The following SIGLEC11 variants were observed in gnomAD, a reference collection of about 807,000 sequenced individuals.
SIGLEC11 encodes sialic acid-binding Ig-like lectin 11.
A neutral mutation model predicts 61.2 loss-of-function variants in SIGLEC11; 47 were observed. That is an observed-to-expected ratio of 0.77 (90% CI 0.61 to 0.98). The LOEUF is 0.98. SIGLEC11 is among the 50% of genes least tolerant of loss of function. The pLI is 0.00. For missense variants in SIGLEC11, 610 were observed against 870.3 expected (o/e 0.70, Z 3.76); for synonymous variants, 278 against 373.1 (o/e 0.75, Z 2.94).
chr19:49,958,410 G>C lies in SIGLEC11; in HGVS notation c.1524C>G (p.Ser508Arg), dbSNP rs779716048. The change falls in exon 8 of 11, where the codon AGC becomes AGG. Residue 508 changes from serine to arginine, a missense_variant. Physicochemically the swap from Ser to Arg is moderately radical, Grantham distance 110. Transcript: ENST00000447370. ...SSQGSFEVTP[S>R]SAGPWANSSL... ...AGCTGTTGGCCCAGGGCCCGGCTGAGCTGGGGGTGACCTCGAAGGAGCCCT... is the reference window on the plus strand; with the variant it reads ...AGCTGTTGGCCCAGGGCCCGGCTGACCTGGGGGTGACCTCGAAGGAGCCCT... 1.2e-5 allele frequency: 19 copies of C among 1,613,974 alleles called. No homozygotes were observed. Among genetic ancestry groups the C allele is most frequent in the Non-Finnish European group, 1.5e-5 (18 of 1,180,026 alleles).
At position 49,958,640 on chromosome 19, in the gene SIGLEC11, C is replaced by G. The variant is rs1364370758; in HGVS notation, c.1363+3G>C. 1 of 1,584,134 alleles carries G rather than the reference C, an allele frequency of 6.3e-7. No homozygotes were observed. The highest frequency in any genetic ancestry group is 8.6e-7 in the Non-Finnish European group (1 of 1,165,714). On this transcript the variant is annotated splice_donor_region_variant and intron_variant, in intron 7 of 10. Coordinates refer to ENST00000447370, the MANE Select transcript of SIGLEC11 (RefSeq NM_052884.3). ...ACCCAGGTGTCCCCTTTCCCCCACT[C>G]ACAGTGCACGGAGAGGCTGAGAGAG... is the stretch of plus-strand genomic sequence containing the variant.
chr19:49,958,849 CTT>C lies in SIGLEC11; in HGVS notation c.1155_1156del (p.Ser386ProfsTer83). On this transcript the variant is annotated frameshift_variant, in exon 7 of 11. Coordinates refer to ENST00000447370, the MANE Select transcript of SIGLEC11 (RefSeq NM_052884.3). LOFTEE classifies it high-confidence loss of function. ...GTGGGTGACACAGACCAGGCGCAGG[CTT>C]TGGCCCTCCAGGACCGGGAGGGATG... The C allele has an allele frequency of 6.2e-7, 1 of 1,608,868 alleles. No individual in the cohort carries two copies. Among genetic ancestry groups the C allele is most frequent in the Non-Finnish European group, 8.5e-7 (1 of 1,177,192 alleles).
In SIGLEC11 at chr19:49,960,463, T is replaced by G. The variant is rs1297867808; in HGVS notation, c.461-42A>C. 2.5e-6 allele frequency: 4 copies of G among 1,592,504 alleles called. No homozygotes were observed. In the South Asian group the frequency reaches 4.5e-5, roughly 18 times the overall value. ...GTGGGAGATTCTTGTGCTGCAGGGGTCCCTGAGAGCCCTCTCTGCTCAGCC... is the reference window on the plus strand; with the variant it reads ...GTGGGAGATTCTTGTGCTGCAGGGGGCCCTGAGAGCCCTCTCTGCTCAGCC... On this transcript the variant is annotated intron_variant, in intron 2 of 10. Transcript: ENST00000447370.
chr19:49,952,269 C>T (rs777886565), intron 9 of SIGLEC11, 29 bp downstream of exon 9: 7 of 1,604,228 alleles, frequency 4.4e-6, no homozygotes, highest in Non-Finnish European at 6.0e-6. Context: ...CCTTCCCACA[C>T]CCTGCATTGC....
rs1303456702 is a variant in SIGLEC11, at chr19:49,949,514, C to T, written c.*456G>A. ...GTAATGAACCATAGACACGATGCCT[C>T]AAAGTGTCATCTTCAAACTCGCTCT... is the stretch of plus-strand genomic sequence containing the variant. On this transcript the variant is annotated 3_prime_UTR_variant, in exon 11 of 11. Coordinates refer to ENST00000447370, the MANE Select transcript of SIGLEC11 (RefSeq NM_052884.3). 6.6e-6 allele frequency: 1 copy of T among 152,240 alleles called. No homozygotes were observed. Among genetic ancestry groups the T allele is most frequent in the East Asian group, 1.9e-4 (1 of 5,192 alleles). 9.4% of individuals were successfully genotyped at this position (152,240 alleles called of 1,614,324 possible).
At position 49,960,213 on chromosome 19, in the gene SIGLEC11, G is replaced by T; in HGVS notation, c.669C>A (p.Asp223Glu). ...AGTCCACATGGCAGGTGAGGTCGGT[G>T]TCGTGGTCCTGGGGGCTGGGCGTGA... is the stretch of plus-strand genomic sequence containing the variant. Reference protein sequence around the residue: ...LSFTPSPQDHDTDLTCHVDFS... With the variant: ...LSFTPSPQDHETDLTCHVDFS... Residue 223 changes from aspartate (D) to glutamate (E), a missense_variant, in exon 3 of 11, where the codon GAC (aspartate) becomes GAA (glutamate). Asp to Glu is a conservative substitution (Grantham distance 45, BLOSUM62 2). Transcript: ENST00000447370. 6.5e-7 allele frequency: 1 copy of T among 1,529,374 alleles called. No individual in the cohort carries two copies. The allele number at this position is 1,529,374 out of a possible 1,614,324, so 94.7% of individuals were successfully genotyped here.
chr19:49,954,944 C>T (rs148282619), intron 8 of SIGLEC11, among the ~76,000 whole-genome samples: 181 of 152,218 alleles, frequency 1.2e-3, no homozygotes, highest in African/African-American at 4.1e-3. Flanking sequence ...AATTAATATA[C>T]GAAAAATTTC....
chr19:49,956,233 T>C (rs1306036254), intron 8 of SIGLEC11, among the ~76,000 whole-genome samples: 1 of 152,250 alleles, frequency 6.6e-6, no homozygotes, highest in Non-Finnish European at 1.5e-5. Flanking sequence ...CAGGAAATAC[T>C]GTGTTGCTCG....
At position 49,951,755 on chromosome 19, in the gene SIGLEC11, G is replaced by A; in HGVS notation, c.1830+136C>T. 1 of 689,644 alleles carries A rather than the reference G, an allele frequency of 1.5e-6. No homozygotes were observed. The highest frequency in any genetic ancestry group is 2.3e-6 in the Non-Finnish European group (1 of 436,820). 42.7% of individuals were successfully genotyped at this position (689,644 alleles called of 1,614,324 possible). A position where few individuals can be genotyped will look rare whatever the true frequency, so the allele number is the denominator to read the frequency against. On this transcript the variant is annotated intron_variant, in intron 10 of 10. Coordinates refer to ENST00000447370, the MANE Select transcript of SIGLEC11 (RefSeq NM_052884.3). The surrounding 1 kb of genome is among the most constrained non-coding windows in gnomAD (Gnocchi z 4.6). ...GTGCCTCCCAGATCATGGGACTTGG[G>A]ACTGCATTGATGGGGACCCAGGAGC...
At position 49,950,097 on chromosome 19, in the gene SIGLEC11, G is replaced by A. The variant is rs2076149259; in HGVS notation, c.1970C>T (p.Pro657Leu). The A allele has an allele frequency of 6.2e-7, 1 of 1,611,558 alleles. No homozygotes were observed. The highest frequency in any genetic ancestry group is 8.5e-7 in the Non-Finnish European group (1 of 1,178,774). Reference protein sequence around the residue: ...LSFQGLRLWEPADQEAPSTTE... With the variant: ...LSFQGLRLWELADQEAPSTTE... ...GGTGCTGGGGGCCTCCTGGTCCGCA[G>A]GCTCCCAGAGCCTCAGGCCCTGGAA... The change falls in exon 11 of 11, where the codon CCT becomes CTT. Residue 657 changes from proline to leucine, a missense_variant. Physicochemically the swap from Pro to Leu is moderately conservative, Grantham distance 98. Coordinates refer to ENST00000447370, the MANE Select transcript of SIGLEC11 (RefSeq NM_052884.3).
intron 7 of SIGLEC11, 22 bp downstream of exon 7, chr19:49,958,621 G>A: frequency 6.4e-7 from 1 of 1,572,332 alleles, no homozygotes; most frequent in Non-Finnish European, 8.6e-7. Flanking sequence ...TGGGACCCAG[G>A]TGTCCCCTTT....
At position 49,958,727 on chromosome 19, in the gene SIGLEC11, G is replaced by T. The variant is rs1434980057; in HGVS notation, c.1279C>A (p.Gln427Lys). Residue 427 changes from glutamine (Q) to lysine (K), a missense_variant, in exon 7 of 11, where the codon CAA (glutamine) becomes AAA (lysine). Gln to Lys is a moderately conservative substitution (Grantham distance 53, BLOSUM62 1). Transcript: ENST00000447370. ...DPGVLELPPIQMEHEGEFTCH... is the reference protein window; with the variant it reads ...DPGVLELPPIKMEHEGEFTCH... ...GTGAACTCTCCTTCGTGCTCCATTT[G>T]AATGGGTGGCAGCTCCAGGACCCCG... 1 of 1,613,672 alleles carries T rather than the reference G, an allele frequency of 6.2e-7. No individual in the cohort carries two copies. Among genetic ancestry groups the T allele is most frequent in the Admixed American group, 1.7e-5 (1 of 59,974 alleles).
chr19:49,957,151 A>G (rs2076202129), intron 8 of SIGLEC11, among the ~76,000 whole-genome samples: 1 of 152,188 alleles, frequency 6.6e-6, no homozygotes, highest in South Asian at 2.1e-4. Context: ...GGAAGCATTC[A>G]ATCAACTATA....
chr19:49,953,867 A>C (rs550818378), intron 8 of SIGLEC11, among the ~76,000 whole-genome samples: 1 of 152,336 alleles, frequency 6.6e-6, no homozygotes, highest in East Asian at 1.9e-4. Context: ...TGCATGTTAC[A>C]AAACTTTAAG....
At chr19:49,953,426 A>G (rs540404406) in intron 8 of SIGLEC11, among the ~76,000 whole-genome samples, 2 of 152,246 alleles carry the variant, frequency 1.3e-5, no homozygotes, top group African/African-American at 4.8e-5. Context: ...CACCCCAACC[A>G]TCACAGGATG....
intron 8 of SIGLEC11, among the ~76,000 whole-genome samples, chr19:49,954,059 A>G (rs1278351987): frequency 1.3e-5 from 2 of 152,190 alleles, no homozygotes; most frequent in Non-Finnish European, 2.9e-5. Flanking sequence ...TATCCCGATC[A>G]ATTTCCTTAT....
rs759576296 is a variant in SIGLEC11, at chr19:49,950,165, C to CG, written c.1901dup (p.Lys636GlufsTer83). 2.5e-6 allele frequency: 4 copies of CG among 1,610,530 alleles called. No homozygotes were observed. In the South Asian group the frequency reaches 4.4e-5, roughly 18 times the overall value. ...GGAGCTCCTGCTCTTCCCCCTTCCC[C>CG]GGGGTGTAGGTGGCTGCACCTGGGG... On this transcript the variant is annotated frameshift_variant, in exon 11 of 11. Transcript: ENST00000447370. LOFTEE classifies it low-confidence loss of function (END_TRUNC).
Position 49,950,250 on chromosome 19 carries a change from A to G in SIGLEC11, c.1831-14T>C, listed in dbSNP as rs748297549. On this transcript the variant is annotated splice_polypyrimidine_tract_variant and intron_variant, in intron 10 of 10. Coordinates refer to ENST00000447370, the MANE Select transcript of SIGLEC11 (RefSeq NM_052884.3). ...ATGCTGGTGACCCTGAATGCAGGGG[A>G]GAAAGGGGGTCAAATTAGGGTCATG... The G allele has an allele frequency of 6.5e-7, 1 of 1,547,968 alleles. No homozygotes were observed. The highest frequency in any genetic ancestry group is 1.8e-5 in the Admixed American group (1 of 54,686).
chr19:49,959,682 G>GGCCCC, intron 4 of SIGLEC11, 59 bp from the exon 5 acceptor site: 2 of 164,072 alleles, frequency 1.2e-5, no homozygotes, highest in Non-Finnish European at 2.3e-5. Context: ...GGGAGGGGGG[G>GGCCCC]CTGCAAAGAG....
Sources: allele counts gnomAD v4.1 joint callset (sites outside exome capture counted in the v4.1 genomes callset), GRCh38; gene constraint gnomAD v4.1.1; non-coding constraint Gnocchi (gnomAD v3.1); transcripts MANE v1.5; gene names NCBI Gene and HGNC (gene_info 2026-07-23, HGNC 2026-07-21).